The following SLC25A26 variants were observed in gnomAD, a reference collection of about 807,000 sequenced individuals.
The protein encoded by SLC25A26 is mitochondrial S-adenosylmethionine carrier protein.
SLC25A26 carries 36 observed loss-of-function variants against 37.8 expected under a neutral mutation model. That is an observed-to-expected ratio of 0.95 (90% confidence interval 0.73 to 1.26). The LOEUF (loss-of-function observed/expected upper bound fraction) is 1.26, where lower values mean the gene tolerates loss of function less well. SLC25A26 is among the 50% of genes most tolerant of loss of function. SLC25A26 has a pLI of 0.00. For synonymous variants in SLC25A26, 129 were observed against 122.5 expected (o/e 1.05, Z -0.35); for missense variants, 390 against 331.1 (o/e 1.18, Z -1.38).
rs577301681 is a variant in SLC25A26, at chr3:66,302,768, C to A, written c.453+39389C>A. Reference sequence around the variant, plus strand: ...ATACAACTTGGTGAAAAGGTTAGCCCATATTTAAGTTCAAACCAAAGAACA... The same window carrying A: ...ATACAACTTGGTGAAAAGGTTAGCCAATATTTAAGTTCAAACCAAAGAACA... On this transcript the variant is annotated intron_variant, in intron 5 of 9. Transcript: ENST00000354883. 2.0e-5 allele frequency among the ~76,000 whole-genome samples: 3 copies of A among 152,252 alleles called. No homozygotes were observed. In the South Asian group the frequency reaches 6.2e-4, roughly 32 times the overall value.
At chr3:66,237,338 A>G (rs2072342365) in intron 2 of SLC25A26, among the ~76,000 whole-genome samples, 1 of 152,260 alleles carries the variant, frequency 6.6e-6, no homozygotes, top group Non-Finnish European at 1.5e-5. Context: ...TCTACTGGGA[A>G]GCCTTAAAAA....
chr3:66,268,270 A>G (rs1455067429), intron 5 of SLC25A26, among the ~76,000 whole-genome samples: 2 of 152,200 alleles, frequency 1.3e-5, no homozygotes, highest in Non-Finnish European at 2.9e-5. Flanking sequence ...GTTACATACC[A>G]CAAGTAGAAT....
In SLC25A26 at chr3:66,197,025, TA is replaced by T. The variant is rs1456524948; in HGVS notation, c.-353-23716del. ...TATGGCTTATATGTGGTCTTTTGTA[TA>T]TTTTTTTATTTTAGTAAGAATGCGC... is the stretch of plus-strand genomic sequence containing the variant. On this transcript the variant is annotated intron_variant, in intron 1 of 10. Transcript: ENST00000676754. Among the ~76,000 whole-genome samples, 157 of 152,328 alleles carry T rather than the reference TA, an allele frequency of 1.0e-3. 5 individuals carry two copies. Among genetic ancestry groups the T allele is most frequent in the African/African-American group, 3.4e-3 (143 of 41,564 alleles).
intron 1 of SLC25A26, among the ~76,000 whole-genome samples, chr3:66,175,698 G>A (rs1484847474): frequency 6.6e-6 from 1 of 152,158 alleles, no homozygotes; most frequent in African/African-American, 2.4e-5. Flanking sequence ...GAAGTCCAAA[G>A]GCAGGAAAAA....
intron 5 of SLC25A26, among the ~76,000 whole-genome samples, chr3:66,292,170 T>C (rs929688152): frequency 3.3e-5 from 5 of 152,282 alleles, no homozygotes; most frequent in African/African-American, 1.2e-4. Flanking sequence ...TCCTCCATCC[T>C]TTTATTTTGA....
At chr3:66,166,867 C>T (rs1464383157) in intron 1 of SLC25A26, among the ~76,000 whole-genome samples, 1 of 152,128 alleles carries the variant, frequency 6.6e-6, no homozygotes, top group Non-Finnish European at 1.5e-5. Flanking sequence ...CCCACAATTC[C>T]CACGTGTTGT....
At chr3:66,250,404 C>A (rs187063994) in intron 3 of SLC25A26, among the ~76,000 whole-genome samples, 5 of 152,290 alleles carry the variant, frequency 3.3e-5, no homozygotes, top group Admixed American at 6.5e-5. Flanking sequence ...CCGTGACTTA[C>A]GATGGTTCTA....
At chr3:66,362,397 G>A (rs1278413823) in intron 6 of SLC25A26, among the ~76,000 whole-genome samples, 4 of 147,316 alleles carry the variant, frequency 2.7e-5, no homozygotes, top group Non-Finnish European at 5.9e-5. Flanking sequence ...GGTGAATCAC[G>A]AAATAATTCT....
intron 5 of SLC25A26, among the ~76,000 whole-genome samples, chr3:66,271,438 T>C (rs1375811883): frequency 6.6e-6 from 1 of 152,112 alleles, no homozygotes; most frequent in Non-Finnish European, 1.5e-5. Context: ...CTGTTCTGCT[T>C]TCAGGCATCA....
rs529899385 is a variant in SLC25A26, at chr3:66,370,545, C to T, written c.650C>T (p.Ala217Val). ...TTCACACAGGCTGGCTCCAGCACTG[C>T]TGATGGGAATGTGCTCTCTGTCCTG... ...ITLAKAGSST[A>V]DGNVLSVLHG... Residue 217 changes from alanine (A) to valine (V), a missense_variant, in exon 9 of 10, where the codon GCT (alanine) becomes GTT (valine). Coordinates refer to ENST00000354883, the MANE Select transcript of SLC25A26 (RefSeq NM_001379210.1). 1 of 1,613,882 alleles carries T rather than the reference C, an allele frequency of 6.2e-7. No homozygotes were observed. Among genetic ancestry groups the T allele is most frequent in the South Asian group, 1.1e-5 (1 of 91,054 alleles).
At chr3:66,310,274 G>A (rs1379381487) in intron 5 of SLC25A26, among the ~76,000 whole-genome samples, 2 of 152,078 alleles carry the variant, frequency 1.3e-5, no homozygotes, top group East Asian at 3.9e-4. Flanking sequence ...TGTCTTTTTT[G>A]ATGTTTGTTG....
At chr3:66,318,105 C>G (rs929976150) in intron 5 of SLC25A26, among the ~76,000 whole-genome samples, 3 of 152,198 alleles carry the variant, frequency 2.0e-5, no homozygotes, top group Non-Finnish European at 2.9e-5. Flanking sequence ...TCTTGGGGTT[C>G]TGTGGGAATG....
chr3:66,285,701 C>G (rs1189947551), intron 5 of SLC25A26, among the ~76,000 whole-genome samples: 1 of 151,848 alleles, frequency 6.6e-6, no homozygotes, highest in Non-Finnish European at 1.5e-5. Context: ...CTCAAGTGAT[C>G]TACCTGCCTT....
intron 2 of SLC25A26, among the ~76,000 whole-genome samples, chr3:66,239,205 T>C (rs934075281): frequency 3.1e-4 from 47 of 152,124 alleles, no homozygotes; most frequent in Non-Finnish European, 8.8e-5. Flanking sequence ...ATTCCTCTGG[T>C]GTGGTGTCTG....
At chr3:66,371,347 T>G in intron 9 of SLC25A26, 1 of 1,543,700 alleles carries the variant, frequency 6.5e-7, no homozygotes, top group Non-Finnish European at 8.8e-7. Flanking sequence ...CTTATGTGAT[T>G]GTAGTTTTTG....
chr3:66,295,255 G>C, intron 5 of SLC25A26, among the ~76,000 whole-genome samples: 1 of 151,978 alleles, frequency 6.6e-6, no homozygotes, highest in East Asian at 1.9e-4. Context: ...ACGGAGTCCC[G>C]CACTTTTGGC....
intron 1 of SLC25A26, among the ~76,000 whole-genome samples, chr3:66,186,883 C>T (rs1347267941): frequency 3.9e-5 from 6 of 152,260 alleles, no homozygotes; most frequent in African/African-American, 1.2e-4. Flanking sequence ...CTGACCTGAC[C>T]ATGTCCCTGA....
intron 1 of SLC25A26, among the ~76,000 whole-genome samples, chr3:66,188,506 G>A (rs1418419865): frequency 6.6e-6 from 1 of 151,898 alleles, no homozygotes; most frequent in Non-Finnish European, 1.5e-5. Flanking sequence ...AAGGAGCCCG[G>A]TACCTCCCCT....
intron 1 of SLC25A26, among the ~76,000 whole-genome samples, chr3:66,226,328 C>G (rs1021589726): frequency 2.0e-5 from 3 of 152,162 alleles, no homozygotes; most frequent in Non-Finnish European, 4.4e-5. Context: ...GACTTATTCA[C>G]TATCACCAGA....
Sources: gnomAD v4.1 joint callset for allele counts (sites outside exome capture counted in the v4.1 genomes callset) on GRCh38, gnomAD v4.1.1 for gene constraint, MANE v1.5 for transcripts, NCBI Gene and HGNC (gene_info 2026-07-23, HGNC 2026-07-21) for gene names.